HIVEP3: variants seen among roughly 807,000 people sequenced by gnomAD.
HIVEP3 encodes transcription factor HIVEP3.
HIVEP3 carries 49 observed loss-of-function variants against 152.8 expected under a neutral mutation model. The observed-to-expected ratio is 0.32, with a 90% CI of 0.26 to 0.41. The LOEUF is 0.41. HIVEP3 is among the 10% of genes least tolerant of loss of function. HIVEP3 has a pLI of 1.00. For synonymous variants in HIVEP3, 1,269 were observed against 1,289.0 expected (o/e 0.98, Z 0.33); for missense variants, 2,790 against 3,103.3 (o/e 0.90, Z 2.40).
chr1:41,673,182 C>T (rs948534719), intron 2 of HIVEP3, among the ~76,000 whole-genome samples: 2 of 152,198 alleles, frequency 1.3e-5, no homozygotes, highest in African/African-American at 4.8e-5. Flanking sequence ...AAGAGACTTC[C>T]TGGAACAGCC....
At chr1:41,785,798 A>G (rs994182935) in intron 1 of HIVEP3, among the ~76,000 whole-genome samples, 3 of 152,216 alleles carry the variant, frequency 2.0e-5, no homozygotes, top group Non-Finnish European at 4.4e-5. Flanking sequence ...GGAGTTCAAG[A>G]CCAGCCTGGC....
At position 41,801,815 on chromosome 1, in the gene HIVEP3, C is replaced by T. The variant is rs534367138; in HGVS notation, c.-800-100820G>A. On this transcript the variant is annotated intron_variant, in intron 1 of 8. Transcript: ENST00000372583. ...AGCAGGTTGAATCCACCAAAAACCA[C>T]TGATGAGAGGAAATAATCAGCCAAT... Among the ~76,000 whole-genome samples the T allele has an allele frequency of 2.0e-5, 3 of 152,276 alleles. No homozygotes were observed. In the East Asian group the frequency reaches 5.8e-4, roughly 29 times the overall value.
chr1:41,862,614 T>C (rs1426158052), intron 1 of HIVEP3, among the ~76,000 whole-genome samples: 2 of 152,112 alleles, frequency 1.3e-5, no homozygotes, highest in African/African-American at 4.8e-5. Flanking sequence ...TCCCATTCCC[T>C]CCAAGCTTGC....
At chr1:42,029,372 AC>A (rs1264677255) in intron 1 of HIVEP3, among the ~76,000 whole-genome samples, 1 of 152,014 alleles carries the variant, frequency 6.6e-6, no homozygotes, top group African/African-American at 2.4e-5. Context: ...AAAAAACAAA[AC>A]CTCAGTATTA....
At chr1:41,783,308 A>G (rs75570) in intron 1 of HIVEP3, among the ~76,000 whole-genome samples, 64,094 of 152,050 alleles carry the variant, frequency 0.42, 14,977 homozygotes, top group Non-Finnish European at 0.54. Flanking sequence ...TTCCGTATTC[A>G]TTCCCCTAGT....
At chr1:41,597,266 C>T (rs1345263280) in intron 3 of HIVEP3, among the ~76,000 whole-genome samples, 1 of 152,182 alleles carries the variant, frequency 6.6e-6, no homozygotes, top group South Asian at 2.1e-4. Context: ...AGAATGAAGT[C>T]TCCTGTGACA....
chr1:41,821,219 C>T (rs1004557405), intron 1 of HIVEP3, among the ~76,000 whole-genome samples: 1 of 152,184 alleles, frequency 6.6e-6, no homozygotes, highest in Non-Finnish European at 1.5e-5. Flanking sequence ...AGCTTTCCCA[C>T]CTCTCAGCCC....
chr1:41,675,274 C>A (rs1645937502), intron 2 of HIVEP3, among the ~76,000 whole-genome samples: 1 of 152,152 alleles, frequency 6.6e-6, no homozygotes, highest in Non-Finnish European at 1.5e-5. Context: ...CCACCTGGGG[C>A]GTAGGGTCTT....
chr1:41,947,030 G>A (rs1338338394), intron 1 of HIVEP3, among the ~76,000 whole-genome samples: 1 of 152,168 alleles, frequency 6.6e-6, no homozygotes, highest in Non-Finnish European at 1.5e-5. Flanking sequence ...GTGGTTTACA[G>A]TCCTGGACTT....
At chr1:41,836,848 C>A (rs756467913) in intron 1 of HIVEP3, among the ~76,000 whole-genome samples, 12 of 152,228 alleles carry the variant, frequency 7.9e-5, no homozygotes, top group Non-Finnish European at 1.5e-4. Context: ...CTCTCTCCAT[C>A]CCATTGCCAA....
intron 3 of HIVEP3, among the ~76,000 whole-genome samples, chr1:41,618,219 C>T (rs1263180502): frequency 6.6e-6 from 1 of 152,202 alleles, no homozygotes; most frequent in Non-Finnish European, 1.5e-5. Flanking sequence ...CCGGAGCCAC[C>T]AGGCTTGCCA....
intron 2 of HIVEP3, among the ~76,000 whole-genome samples, chr1:41,642,815 C>T (rs1275824030): frequency 1.3e-5 from 2 of 152,178 alleles, no homozygotes; most frequent in Non-Finnish European, 2.9e-5. Context: ...ATGATCCTCT[C>T]GGTTCTTCTT....
chr1:41,540,656 C>G (rs945216129), intron 5 of HIVEP3, among the ~76,000 whole-genome samples: 5 of 152,180 alleles, frequency 3.3e-5, no homozygotes, highest in Admixed American at 6.5e-5. Context: ...CTTTGGACAC[C>G]TCAGGTCATA....
At chr1:41,553,736 T>C (rs1643924250) in intron 5 of HIVEP3, among the ~76,000 whole-genome samples, 1 of 152,202 alleles carries the variant, frequency 6.6e-6, no homozygotes, top group African/African-American at 2.4e-5. Context: ...CTGTAAAGGA[T>C]TTTATTTCTC....
chr1:41,915,776 C>G (rs1329899086), intron 1 of HIVEP3, among the ~76,000 whole-genome samples: 2 of 152,182 alleles, frequency 1.3e-5, no homozygotes, highest in African/African-American at 4.8e-5. Flanking sequence ...GATGGTTACA[C>G]CTACTTTACA....
chr1:41,713,705 C>T (rs531221293), intron 1 of HIVEP3, among the ~76,000 whole-genome samples: 7 of 152,236 alleles, frequency 4.6e-5, no homozygotes, highest in Non-Finnish European at 1.0e-4. Flanking sequence ...TTGAACTCTC[C>T]AGTGACAGGG....
chr1:41,566,677 C>T lies in HIVEP3; in HGVS notation c.5207+8867G>A, dbSNP rs116778373. Among the ~76,000 whole-genome samples the T allele has an allele frequency of 3.5e-4, 53 of 152,290 alleles. 1 individual carries two copies. The highest frequency in any genetic ancestry group is 1.3e-3 in the African/African-American group (52 of 41,556). On this transcript the variant is annotated intron_variant, in intron 5 of 8. Transcript: ENST00000372583. ...GCCCATCAGTCACCAGTCACCTGCA[C>T]AGGGCCCTGTTGAATGGGCACGTGC... is the stretch of plus-strand genomic sequence containing the variant.
At chr1:42,003,484 A>G (rs1258777762) in intron 1 of HIVEP3, among the ~76,000 whole-genome samples, 2 of 152,222 alleles carry the variant, frequency 1.3e-5, no homozygotes, top group Admixed American at 1.3e-4. Context: ...TCCTTTACTC[A>G]GCAAAGAGGT....
chr1:41,920,673 T>C (rs997238592), upstream of HIVEP3, among the ~76,000 whole-genome samples: 1 of 152,022 alleles, frequency 6.6e-6, no homozygotes, highest in Non-Finnish European at 1.5e-5. Context: ...GGTATAATCA[T>C]GTCACAGGGC....
Sources: allele counts gnomAD v4.1 joint callset (sites outside exome capture counted in the v4.1 genomes callset), GRCh38; gene constraint gnomAD v4.1.1; transcripts MANE v1.5; gene names NCBI Gene and HGNC (gene_info 2026-07-23, HGNC 2026-07-21).